ERO1A: variants seen among roughly 807,000 people sequenced by gnomAD.
The protein encoded by ERO1A is endoplasmic reticulum oxidoreductase 1 alpha.
A neutral mutation model predicts 76.9 loss-of-function variants in ERO1A; 49 were observed. The observed-to-expected ratio is 0.64, with a 90% confidence interval of 0.51 to 0.81. The LOEUF is 0.81. ERO1A is among the 30% of genes least tolerant of loss of function. ERO1A has a pLI of 0.00. For missense variants in ERO1A, 448 were observed against 542.1 expected, an observed-to-expected ratio of 0.83 and a Z score of 1.72; for synonymous variants, 174 against 181.2, an observed-to-expected ratio of 0.96 and a Z score of 0.32.
At chr14:52,651,841 A>C (rs1000391554) in intron 13 of ERO1A, among the ~76,000 whole-genome samples, 1 of 152,120 alleles carries the variant, frequency 6.6e-6, no homozygotes, top group African/African-American at 2.4e-5. Flanking sequence ...GCAATATATA[A>C]TGCATTATTA....
intron 9 of ERO1A, among the ~76,000 whole-genome samples, chr14:52,660,109 C>T (rs1378810956): frequency 6.6e-6 from 1 of 152,210 alleles, no homozygotes; most frequent in Non-Finnish European, 1.5e-5. Context: ...ACTGGGATTA[C>T]AGGCATAAGC....
intron 3 of ERO1A, among the ~76,000 whole-genome samples, chr14:52,680,995 T>A (rs1007869709): frequency 1.3e-5 from 2 of 152,176 alleles, no homozygotes; most frequent in East Asian, 3.8e-4. Context: ...AGTAAAAGTA[T>A]TGTCAAGAAT....
At chr14:52,656,665 T>C (rs1408316364) in intron 11 of ERO1A, among the ~76,000 whole-genome samples, 1 of 134,648 alleles carries the variant, frequency 7.4e-6, no homozygotes, top group East Asian at 2.2e-4. Flanking sequence ...TGAGCCAAGA[T>C]CACACCACTG....
intron 2 of ERO1A, 42 bp downstream of exon 2, chr14:52,683,746 C>T (rs761238078): frequency 2.4e-6 from 2 of 846,380 alleles, no homozygotes; most frequent in African/African-American, 3.5e-5. Flanking sequence ...TCTAATTATC[C>T]ATTTAAAGTA....
chr14:52,668,288 G>A (rs1207982174), intron 6 of ERO1A, among the ~76,000 whole-genome samples: 1 of 152,170 alleles, frequency 6.6e-6, no homozygotes, highest in Non-Finnish European at 1.5e-5. Context: ...GCTCACGCCT[G>A]TAATCCCAGA....
chr14:52,681,957 C>T (rs923105457), intron 3 of ERO1A, among the ~76,000 whole-genome samples: 13 of 152,066 alleles, frequency 8.5e-5, no homozygotes, highest in African/African-American at 3.1e-4. Flanking sequence ...ATTATATTAA[C>T]CACAAAATGT....
intron 8 of ERO1A, among the ~76,000 whole-genome samples, chr14:52,662,781 A>G (rs939381194): frequency 2.0e-5 from 3 of 152,242 alleles, no homozygotes; most frequent in Non-Finnish European, 4.4e-5. Flanking sequence ...AAATGAAGAG[A>G]GCAATTTTCA....
At position 52,683,827 on chromosome 14, in the gene ERO1A, T is replaced by C; in HGVS notation, c.195A>G (p.Leu65=). 6.4e-7 allele frequency: 1 copy of C among 1,563,516 alleles called. No individual in the cohort carries two copies. Residue 65 remains leucine (L), a synonymous_variant, in exon 2 of 16, where the codon CTA becomes CTG. Coordinates refer to ENST00000395686, the MANE Select transcript of ERO1A (RefSeq NM_014584.3). The part of the protein sequence containing the change: ...RFNNYRLFPR[L]QKLLESDYFR... ...AGTAGTCACTTTCAAGAAGTTTTTG[T>C]AGTCTTGGGAAAAGCCTGTAGTTAT... is the stretch of plus-strand genomic sequence containing the variant.
In ERO1A at chr14:52,690,304, AAAGAAAC is replaced by A. The variant is rs1211279338; in HGVS notation, c.114+5057_114+5063del. 1.2e-4 allele frequency among the ~76,000 whole-genome samples: 18 copies of A among 152,356 alleles called. No homozygotes were observed. In the East Asian group the frequency reaches 2.9e-3, roughly 24 times the overall value. ...TGCAACTAAAATGTTTCTATGTAAC[AAAGAAAC>A]AAGCAACAAAATGAAAAGGCAACCT... On this transcript the variant is annotated intron_variant, in intron 1 of 15. Transcript: ENST00000395686.
At chr14:52,694,727 G>T (rs1370571907) in intron 1 of ERO1A, among the ~76,000 whole-genome samples, 3 of 152,196 alleles carry the variant, frequency 2.0e-5, no homozygotes, top group Middle Eastern at 3.4e-3. Context: ...CTTGTGCACT[G>T]AAGAATAAGG....
rs1467779206 is a variant in ERO1A at position 52,646,200 on chromosome 14, G to A, written c.1300C>T (p.His434Tyr). 2 of 1,613,310 alleles carry A rather than the reference G, an allele frequency of 1.2e-6. No homozygotes were observed. The highest frequency in any genetic ancestry group is 1.7e-6 in the Non-Finnish European group (2 of 1,179,524). The change falls in exon 15 of 16, where the codon CAT (histidine) becomes TAT (tyrosine). Residue 434 changes from histidine to tyrosine, a missense_variant. Around this residue, in one of 2 missense-constraint regions of ERO1A, gnomAD observed 302 missense variants for 411.9 expected, o/e 0.73. Coordinates refer to ENST00000395686, the MANE Select transcript of ERO1A (RefSeq NM_014584.3). ...GATACTATTTCTTGTCTGGTTAGAT[G>A]GAATTCATAACTAGGTCCACTTTCT... ...MPESGPSYEF[H>Y]LTRQEIVSLF...
chr14:52,673,918 T>C (rs781431061), intron 4 of ERO1A, among the ~76,000 whole-genome samples: 2 of 152,184 alleles, frequency 1.3e-5, no homozygotes, highest in Non-Finnish European at 2.9e-5. Context: ...CACTTCTATC[T>C]TAACTGGTAA....
chr14:52,692,200 G>T (rs752195364), intron 1 of ERO1A, among the ~76,000 whole-genome samples: 13 of 152,184 alleles, frequency 8.5e-5, no homozygotes, highest in African/African-American at 3.1e-4. Context: ...TCACTTCTTG[G>T]AAGTGTCACA....
At chr14:52,654,228 T>C (rs574090132) in intron 11 of ERO1A, among the ~76,000 whole-genome samples, 19 of 152,238 alleles carry the variant, frequency 1.2e-4, no homozygotes, top group African/African-American at 3.8e-4. Flanking sequence ...TTGTCTCTTA[T>C]AATTTTTTTC....
chr14:52,689,126 T>G (rs964100054), intron 1 of ERO1A, among the ~76,000 whole-genome samples: 9 of 152,140 alleles, frequency 5.9e-5, no homozygotes, highest in Admixed American at 5.2e-4. Flanking sequence ...CGGCTAATTT[T>G]GTATTTTAGC....
intron 3 of ERO1A, among the ~76,000 whole-genome samples, chr14:52,680,855 AT>A (rs1456547987): frequency 4.0e-4 from 61 of 152,248 alleles, no homozygotes; most frequent in African/African-American, 1.4e-3. Flanking sequence ...TAAATAGTAT[AT>A]GACATTGGCC....
intron 11 of ERO1A, among the ~76,000 whole-genome samples, chr14:52,653,584 G>A (rs1454517934): frequency 6.6e-6 from 1 of 151,890 alleles, no homozygotes; most frequent in East Asian, 1.9e-4. Context: ...TTTTGCAGGT[G>A]CATAGTATCT....
At chr14:52,646,326 T>C (rs761137737) in intron 14 of ERO1A, 39 bp from the exon 15 acceptor site, 31 of 1,600,122 alleles carry the variant, frequency 1.9e-5, no homozygotes, top group Non-Finnish European at 2.6e-5. Flanking sequence ...ATTAGAAAAT[T>C]ATTCATGCAA....
chr14:52,684,135 A>C (rs1032731777), intron 1 of ERO1A, among the ~76,000 whole-genome samples: 1 of 118,902 alleles, frequency 8.4e-6, no homozygotes, highest in African/African-American at 2.7e-5. Flanking sequence ...ACACACACAC[A>C]CACACACACA....
Sources: allele counts gnomAD v4.1 joint callset (sites outside exome capture counted in the v4.1 genomes callset), GRCh38; gene constraint gnomAD v4.1.1; regional missense constraint gnomAD v4.1.1; transcripts MANE v1.5; gene names NCBI Gene and HGNC (gene_info 2026-07-23, HGNC 2026-07-21).